ARL15: variants seen among roughly 807,000 people sequenced by gnomAD.
The protein encoded by ARL15 is ARF like GTPase 15.
ARL15 carries 19 observed loss-of-function variants against 25.2 expected under a neutral mutation model. The observed-to-expected ratio is 0.75, with a 90% CI of 0.53 to 1.10. The LOEUF (loss-of-function observed/expected upper bound fraction) is 1.10, where lower values mean the gene tolerates loss of function less well. ARL15 is among the 50% of genes least tolerant of loss of function. The pLI is 0.00. For missense variants in ARL15, 220 were observed against 246.0 expected, an observed-to-expected ratio of 0.89 and a Z score of 0.71; for synonymous variants, 94 against 86.8, an observed-to-expected ratio of 1.08 and a Z score of -0.46.
At chr5:54,104,620 C>T (rs1752537132) in intron 4 of ARL15, among the ~76,000 whole-genome samples, 1 of 152,042 alleles carries the variant, frequency 6.6e-6, no homozygotes, top group African/African-American at 2.4e-5. Flanking sequence ...ACTAAGATTT[C>T]ATATTTTCTT....
intron 1 of ARL15, among the ~76,000 whole-genome samples, chr5:54,281,368 G>C (rs1758060698): frequency 6.6e-6 from 1 of 152,166 alleles, no homozygotes; most frequent in Non-Finnish European, 1.5e-5. Context: ...TCAAACTCCT[G>C]ACCTCAGGTG....
intron 4 of ARL15, among the ~76,000 whole-genome samples, chr5:54,061,775 C>T (rs1751069521): frequency 6.6e-6 from 1 of 151,996 alleles, no homozygotes; most frequent in African/African-American, 2.4e-5. Flanking sequence ...GCTTGGAGTC[C>T]CCACACAGAG....
chr5:54,074,469 GGAA>G (rs201476013), intron 4 of ARL15, among the ~76,000 whole-genome samples: 2,121 of 152,232 alleles, frequency 0.014, 14 homozygotes, highest in Non-Finnish European at 0.023. Flanking sequence ...CTGAGAAGAA[GGAA>G]GAAGAATAAA....
At chr5:53,894,494 T>G (rs1045519345) in intron 4 of ARL15, among the ~76,000 whole-genome samples, 8 of 152,174 alleles carry the variant, frequency 5.3e-5, no homozygotes, top group African/African-American at 1.9e-4. Context: ...AGCAAACATG[T>G]CTGTTTTTAT....
chr5:54,161,726 C>T (rs1754406587), intron 2 of ARL15, among the ~76,000 whole-genome samples: 1 of 152,086 alleles, frequency 6.6e-6, no homozygotes, highest in African/African-American at 2.4e-5. Context: ...GCAAATACTT[C>T]CAACAGTATT....
intron 4 of ARL15, among the ~76,000 whole-genome samples, chr5:53,960,336 A>C (rs1747320907): frequency 6.6e-6 from 1 of 152,240 alleles, no homozygotes; most frequent in African/African-American, 2.4e-5. Flanking sequence ...TCTATCCTTA[A>C]CAGTGATTTT....
chr5:54,271,905 C>CATTT (rs34653736), intron 1 of ARL15, among the ~76,000 whole-genome samples: 29,342 of 146,232 alleles, frequency 0.2, 3,138 homozygotes, highest in East Asian at 0.42. Flanking sequence ...CTGTGCTTAA[C>CATTT]ATTTATTTAT....
At chr5:53,905,554 A>T (rs1286758173) in intron 4 of ARL15, among the ~76,000 whole-genome samples, 1 of 152,176 alleles carries the variant, frequency 6.6e-6, no homozygotes, top group Non-Finnish European at 1.5e-5. Context: ...AAATGTCCTG[A>T]GCTTTTCTTA....
rs1756803302 is a variant in ARL15 at position 54,236,290 on chromosome 5, G to C, written c.49-64362C>G. 7.2e-5 allele frequency among the ~76,000 whole-genome samples: 11 copies of C among 152,194 alleles called. No homozygotes were observed. In the South Asian group the frequency reaches 2.3e-3, roughly 32 times the overall value. ...AGTTATGGAAGCATTTTCTAGCTTT[G>C]AGTTTTTATAGATCTAGCCTCAGCC... On this transcript the variant is annotated intron_variant, in intron 1 of 4. Coordinates refer to ENST00000504924, the MANE Select transcript of ARL15 (RefSeq NM_019087.3).
rs145435989 is a variant in ARL15, at chr5:54,059,168, G to T, written c.462+54034C>A. Among the ~76,000 whole-genome samples, 6 of 152,130 alleles carry T rather than the reference G, an allele frequency of 3.9e-5. No individual in the cohort carries two copies. In the East Asian group the frequency reaches 1.2e-3, roughly 29 times the overall value. On this transcript the variant is annotated intron_variant, in intron 4 of 4. Transcript: ENST00000504924. ...GCTTTTTTTCTTCTATAGACTAAAG[G>T]TCATTGCTGTCTTAGCCTAATAGAA... is the stretch of plus-strand genomic sequence containing the variant.
chr5:54,128,739 T>C (rs1187568109), intron 3 of ARL15, among the ~76,000 whole-genome samples: 2 of 145,080 alleles, frequency 1.4e-5, no homozygotes, highest in Non-Finnish European at 3.0e-5. Context: ...GGAGTCTCGC[T>C]CTGTCGCCCA....
intron 4 of ARL15, among the ~76,000 whole-genome samples, chr5:54,054,669 A>T (rs1202587255): frequency 6.6e-6 from 1 of 152,194 alleles, no homozygotes; most frequent in African/African-American, 2.4e-5. Context: ...GTGCGCCTGT[A>T]GTCCCAGCTA....
intron 4 of ARL15, chr5:53,911,944 T>C (rs1276660952): frequency 6.6e-6 from 1 of 152,164 alleles, no homozygotes; most frequent in Admixed American, 6.5e-5. Flanking sequence ...CTTTATTTCT[T>C]TTTCACCTTC....
At chr5:53,972,711 C>G (rs527744599) in intron 4 of ARL15, among the ~76,000 whole-genome samples, 15 of 152,066 alleles carry the variant, frequency 9.9e-5, no homozygotes, top group Non-Finnish European at 1.9e-4. Context: ...CCGAGATCAC[C>G]GGTCAAGGCA....
At chr5:53,982,002 A>T (rs1748135712) in intron 4 of ARL15, among the ~76,000 whole-genome samples, 2 of 152,084 alleles carry the variant, frequency 1.3e-5, no homozygotes, top group Non-Finnish European at 2.9e-5. Context: ...GAGGCTTATG[A>T]GTAGGGCAGG....
At chr5:54,022,843 G>A (rs1749650921) in intron 4 of ARL15, among the ~76,000 whole-genome samples, 1 of 152,114 alleles carries the variant, frequency 6.6e-6, no homozygotes, top group Non-Finnish European at 1.5e-5. Flanking sequence ...AAAGGATGGA[G>A]GGAAAGTTCC....
chr5:53,965,745 T>C (rs1471073524), intron 4 of ARL15, among the ~76,000 whole-genome samples: 1 of 152,116 alleles, frequency 6.6e-6, no homozygotes, highest in African/African-American at 2.4e-5. Flanking sequence ...TCTTCCAAAG[T>C]TCCTGCTTCT....
chr5:54,069,558 C>CA (rs34795383), intron 4 of ARL15, among the ~76,000 whole-genome samples: 596 of 48,076 alleles, frequency 0.012, 56 homozygotes, highest in African/African-American at 0.022. Context: ...CAAAACGTCT[C>CA]AAAAAAAAAA....
chr5:53,995,584 C>T (rs1158378539), intron 4 of ARL15, among the ~76,000 whole-genome samples: 2 of 152,044 alleles, frequency 1.3e-5, no homozygotes, highest in African/African-American at 4.8e-5. Flanking sequence ...AGCAAAATAG[C>T]TATAGATTAC....
Sources: allele counts gnomAD v4.1 joint callset (sites outside exome capture counted in the v4.1 genomes callset), GRCh38; gene constraint gnomAD v4.1.1; transcripts MANE v1.5; gene names NCBI Gene and HGNC (gene_info 2026-07-23, HGNC 2026-07-21).